Variants in KDM4C observed in about 807,000 individuals in gnomAD.
KDM4C encodes lysine-specific demethylase 4C.
Under a neutral mutation model 129.3 loss-of-function variants are expected in KDM4C, and 81 were observed. That is an observed-to-expected ratio of 0.63 (90% CI 0.52 to 0.75). The LOEUF (loss-of-function observed/expected upper bound fraction) is 0.75, where lower values mean the gene tolerates loss of function less well. KDM4C is among the 30% of genes least tolerant of loss of function. KDM4C has a pLI of 0.00. For synonymous variants in KDM4C, 573 were observed against 456.1 expected (o/e 1.26, Z -3.26); for missense variants, 1,457 against 1,304.0 (o/e 1.12, Z -1.81).
intron 1 of KDM4C, among the ~76,000 whole-genome samples, chr9:6,787,726 G>C (rs1825777237): frequency 6.6e-6 from 1 of 152,194 alleles, no homozygotes; most frequent in Admixed American, 6.5e-5. Flanking sequence ...CCTGCTTCCA[G>C]CCTTGTCCTT....
At chr9:7,079,759 C>G (rs886642176) in intron 17 of KDM4C, among the ~76,000 whole-genome samples, 1 of 152,140 alleles carries the variant, frequency 6.6e-6, no homozygotes, top group Non-Finnish European at 1.5e-5. Flanking sequence ...AACTGGGATC[C>G]GTGTATTCCA....
intron 8 of KDM4C, among the ~76,000 whole-genome samples, chr9:6,972,800 ATCT>A (rs1035626490): frequency 1.2e-4 from 18 of 152,234 alleles, no homozygotes; most frequent in African/African-American, 4.3e-4. Context: ...ATAATAATGA[ATCT>A]TCTTTCAAGA....
chr9:6,768,790 A>T, intron 1 of KDM4C, among the ~76,000 whole-genome samples: 1 of 147,104 alleles, frequency 6.8e-6, no homozygotes, highest in Non-Finnish European at 1.5e-5. Context: ...TTTTTTTTTT[A>T]AAGAGGGAGT....
At chr9:7,154,902 T>C (rs1291072487) in intron 19 of KDM4C, among the ~76,000 whole-genome samples, 2 of 152,176 alleles carry the variant, frequency 1.3e-5, no homozygotes, top group Non-Finnish European at 2.9e-5. Context: ...CAGCTATTTA[T>C]GTTAGGTGAA....
At position 6,746,261 on chromosome 9, in the gene KDM4C, TG is replaced by T. The variant is rs1437291110; in HGVS notation, c.49+25265del. ...CAGCCAGCCATTATATATATATATATGTTTTTTTTTTTTTTTTTTTTTTTGG... is the reference window on the plus strand; with the variant it reads ...CAGCCAGCCATTATATATATATATATTTTTTTTTTTTTTTTTTTTTTTTGG... On this transcript the variant is annotated intron_variant, in intron 1 of 17. Transcript: ENST00000536108. 1.5e-4 allele frequency among the ~76,000 whole-genome samples: 17 copies of T among 112,918 alleles called. No individual in the cohort carries two copies. In the East Asian group the frequency reaches 1.6e-3, roughly 10 times the overall value. 74.1% of individuals were successfully genotyped at this position (112,918 alleles called of 152,430 possible). A position where few individuals can be genotyped will look rare whatever the true frequency, so the allele number is the denominator to read the frequency against.
At chr9:7,091,400 AT>A (rs1459137530) in intron 17 of KDM4C, among the ~76,000 whole-genome samples, 1 of 151,966 alleles carries the variant, frequency 6.6e-6, no homozygotes, top group Non-Finnish European at 1.5e-5. Context: ...CTACTATAGA[AT>A]TTTTTTTCAC....
chr9:7,045,582 C>G (rs1473503072), intron 15 of KDM4C, among the ~76,000 whole-genome samples: 2 of 151,972 alleles, frequency 1.3e-5, no homozygotes, highest in Non-Finnish European at 2.9e-5. Context: ...CCAAAGGCCT[C>G]TAGGATATGG....
At chr9:6,962,335 A>G (rs187263113) in intron 8 of KDM4C, among the ~76,000 whole-genome samples, 43 of 152,334 alleles carry the variant, frequency 2.8e-4, no homozygotes, top group East Asian at 5.8e-4. Flanking sequence ...TGAAATGTAG[A>G]TAAGTTATCC....
At position 7,174,898 on chromosome 9, in the gene KDM4C, C is replaced by A. The variant is rs913590; in HGVS notation, c.*169C>A. Reference sequence around the variant, plus strand: ...TGGTCACCAAAAATACAAAATACACCCAATGAATTGGACGCAGCAATCTGA... The same window carrying A: ...TGGTCACCAAAAATACAAAATACACACAATGAATTGGACGCAGCAATCTGA... On this transcript the variant is annotated 3_prime_UTR_variant, in exon 22 of 22. Transcript: ENST00000381309. 0.54 allele frequency: 293,669 copies of A among 547,828 alleles called. 80,010 individuals are homozygous for A. The highest frequency in any genetic ancestry group is 0.64 in the African/African-American group (34,328 of 53,866). 33.9% of individuals were successfully genotyped at this position (547,828 alleles called of 1,614,324 possible). A position where few individuals can be genotyped will look rare whatever the true frequency, so the allele number is the denominator to read the frequency against.
chr9:6,822,251 A>G (rs1271442438), intron 4 of KDM4C, among the ~76,000 whole-genome samples: 3 of 152,208 alleles, frequency 2.0e-5, no homozygotes, highest in Non-Finnish European at 1.5e-5. Context: ...TAGTTGTGAC[A>G]GATTATATGG....
At chr9:7,083,710 GATGT>G (rs1182578359) in intron 17 of KDM4C, among the ~76,000 whole-genome samples, 2 of 65,528 alleles carry the variant, frequency 3.1e-5, no homozygotes, top group East Asian at 3.5e-4. Flanking sequence ...GCACATGACT[GATGT>G]GTGTGTGTGT....
intron 19 of KDM4C, among the ~76,000 whole-genome samples, 197 bp downstream of exon 19, chr9:7,128,433 G>C (rs1433762790): frequency 6.7e-6 from 1 of 148,898 alleles, no homozygotes; most frequent in Non-Finnish European, 1.5e-5. Flanking sequence ...AACGTTATTT[G>C]GCCAAGAAAT....
chr9:7,121,150 T>C (rs1293707612), intron 18 of KDM4C, among the ~76,000 whole-genome samples: 2 of 152,200 alleles, frequency 1.3e-5, no homozygotes, highest in African/African-American at 4.8e-5. Flanking sequence ...TTTAAACCAG[T>C]GATAACTATT....
At chr9:7,020,319 C>G (rs1245422806) in intron 15 of KDM4C, among the ~76,000 whole-genome samples, 1 of 152,174 alleles carries the variant, frequency 6.6e-6, no homozygotes, top group African/African-American at 2.4e-5. Flanking sequence ...TTATATATTT[C>G]ATAATTCCAA....
chr9:7,042,664 T>C (rs1454346930), intron 15 of KDM4C, among the ~76,000 whole-genome samples: 1 of 152,112 alleles, frequency 6.6e-6, no homozygotes, highest in Non-Finnish European at 1.5e-5. Flanking sequence ...AGGAACTTTC[T>C]TCTTGTCAGT....
Position 6,950,164 on chromosome 9 carries a change from T to A in KDM4C, c.922-30761T>A, listed in dbSNP as rs559727222. Among the ~76,000 whole-genome samples, 7 of 151,506 alleles carry A rather than the reference T, an allele frequency of 4.6e-5. No homozygotes were observed. In the South Asian group the frequency reaches 1.0e-3, roughly 23 times the overall value. On this transcript the variant is annotated intron_variant, in intron 8 of 21. Coordinates refer to ENST00000381309, the MANE Select transcript of KDM4C (RefSeq NM_015061.6). The stretch of plus-strand genomic sequence containing the variant: ...CAGCATACAATGTGATGTTTTGAGA[T>A]GCATAAATATTTTGAAATGATTAGC...
rs78676159 is a variant in KDM4C at position 7,140,589 on chromosome 9, C to T, written c.2781+12353C>T. 2.7e-3 allele frequency among the ~76,000 whole-genome samples: 414 copies of T among 152,260 alleles called. 12 individuals carry two copies. In the East Asian group the frequency reaches 0.053, roughly 19 times the overall value. On this transcript the variant is annotated intron_variant, in intron 19 of 21. Transcript: ENST00000381309. The stretch of plus-strand genomic sequence containing the variant: ...CTGCAGGGCTGGCCTTGATAAGCCG[C>T]ATCTGGGTACCTGCATATGGTCATA...
chr9:6,935,327 T>G (rs1295051084), intron 8 of KDM4C, among the ~76,000 whole-genome samples: 1 of 146,058 alleles, frequency 6.8e-6, no homozygotes, highest in East Asian at 2.0e-4. Context: ...TCATCTCACC[T>G]GTAATTTTCA....
At chr9:7,053,521 G>C (rs1460981132) in intron 17 of KDM4C, among the ~76,000 whole-genome samples, 3 of 152,144 alleles carry the variant, frequency 2.0e-5, no homozygotes, top group African/African-American at 4.8e-5. Flanking sequence ...CACCTTGCTT[G>C]GTAATGTCAC....
Sources: gnomAD v4.1 joint callset for allele counts (sites outside exome capture counted in the v4.1 genomes callset) on GRCh38, gnomAD v4.1.1 for gene constraint, MANE v1.5 for transcripts, NCBI Gene and HGNC (gene_info 2026-07-23, HGNC 2026-07-21) for gene names.